The following PYROXD2 variants were observed in gnomAD, a reference collection of about 807,000 sequenced individuals.
PYROXD2 encodes pyridine nucleotide-disulfide oxidoreductase domain-containing protein 2.
A neutral mutation model predicts 71.1 loss-of-function variants in PYROXD2; 69 were observed. The ratio of observed to expected loss-of-function variants is 0.97; its 90% CI spans 0.80 to 1.19. The LOEUF is 1.19. Among genes scored for constraint, PYROXD2 ranks in the 50% most tolerant of loss-of-function variants. The pLI, the probability that PYROXD2 is intolerant of heterozygous loss-of-function variation, is 0.00. For synonymous variants in PYROXD2, 287 were observed against 302.7 expected, an observed-to-expected ratio of 0.95 and a Z score of 0.54; for missense variants, 745 against 748.9, an observed-to-expected ratio of 0.99 and a Z score of 0.06.
At chr10:98,401,331 C>T (rs1322632705) in intron 4 of PYROXD2, among the ~76,000 whole-genome samples, 2 of 149,536 alleles carry the variant, frequency 1.3e-5, no homozygotes, top group Non-Finnish European at 3.0e-5. Flanking sequence ...AAAAATGATA[C>T]TGTATAGAGC....
At position 98,401,273 on chromosome 10, in the gene PYROXD2, A is replaced by AAACAAAC. The variant is rs1554879098; in HGVS notation, c.316-1017_316-1016insGTTTGTT. Among the ~76,000 whole-genome samples, 241 of 121,650 alleles carry AAACAAAC rather than the reference A, an allele frequency of 2.0e-3. 2 individuals are homozygous for AAACAAAC. Among genetic ancestry groups the AAACAAAC allele is most frequent in the African/African-American group, 8.5e-3 (232 of 27,370 alleles). The allele number at this position is 121,650 out of a possible 152,430, so 79.8% of individuals were successfully genotyped here. The stretch of plus-strand genomic sequence containing the variant: ...TGTCTCAAAAAAAAAAAAACAAAAA[A>AAACAAAC]AAACAAACATAGAAAAGGTACATTA... On this transcript the variant is annotated intron_variant, in intron 4 of 15. Coordinates refer to ENST00000370575, the MANE Select transcript of PYROXD2 (RefSeq NM_032709.3).
chr10:98,400,400 T>C, intron 4 of PYROXD2, 143 bp from the exon 5 acceptor site: 1 of 767,970 alleles, frequency 1.3e-6, no homozygotes, highest in East Asian at 2.8e-5. Context: ...GTTTTTTAAA[T>C]ATAAGTTTAT....
intron 4 of PYROXD2, among the ~76,000 whole-genome samples, chr10:98,401,051 G>A (rs916148533): frequency 7.9e-5 from 12 of 152,098 alleles, no homozygotes; most frequent in Non-Finnish European, 1.6e-4. Context: ...TCAGGAGTTC[G>A]AGACCAGCCT....
chr10:98,400,123 C>G lies in PYROXD2; in HGVS notation c.450G>C (p.Gln150His), dbSNP rs751997425. ...CTACCTGGGCATCCTTCTGGGAGAA[C>G]TGGGCGATCTGCTTCTGGTTTTCTG... Reference protein sequence around the residue: ...DMAENQKQIAQFSQKDAQVFP... With the variant: ...DMAENQKQIAHFSQKDAQVFP... Residue 150 changes from glutamine to histidine, a missense_variant, in exon 5 of 16, where the codon CAG (glutamine) becomes CAC (histidine). Transcript: ENST00000370575. 5.0e-6 allele frequency: 8 copies of G among 1,613,656 alleles called. No individual in the cohort carries two copies. The Admixed American group carries it at 1.3e-4, about 27-fold the overall frequency.
intron 4 of PYROXD2, among the ~76,000 whole-genome samples, chr10:98,406,210 C>A (rs17109662): frequency 0.09 from 13,755 of 152,194 alleles, 740 homozygotes; most frequent in African/African-American, 0.14. Flanking sequence ...CACTTGGGAG[C>A]TTCTAGTTCA....
chr10:98,397,633 G>T, intron 5 of PYROXD2, 135 bp from the exon 6 acceptor site: 1 of 1,117,518 alleles, frequency 8.9e-7, no homozygotes, highest in Non-Finnish European at 1.2e-6. Context: ...GCTTGGCTCT[G>T]TTGAGCTCCC....
At chr10:98,388,896 T>C (rs7916469) in intron 12 of PYROXD2, among the ~76,000 whole-genome samples, 65,865 of 151,802 alleles carry the variant, frequency 0.43, 14,947 homozygotes, top group African/African-American at 0.55. Flanking sequence ...GGCCTGACTG[T>C]CTTTTCCAGA....
intron 2 of PYROXD2, among the ~76,000 whole-genome samples, chr10:98,408,941 G>A (rs1843698906): frequency 6.6e-6 from 1 of 152,190 alleles, no homozygotes; most frequent in South Asian, 2.1e-4. Flanking sequence ...TTAACAGCTT[G>A]CCTCAGGCTC....
chr10:98,390,029 C>T (rs146304278), intron 12 of PYROXD2, among the ~76,000 whole-genome samples: 212 of 152,198 alleles, frequency 1.4e-3, no homozygotes, highest in Non-Finnish European at 2.5e-3. Flanking sequence ...GCCCCTGCCC[C>T]GCTAATTCTC....
chr10:98,395,413 A>G lies in PYROXD2; in HGVS notation c.665T>C (p.Val222Ala). 6.2e-7 allele frequency: 1 copy of G among 1,614,176 alleles called. No homozygotes were observed. Among genetic ancestry groups the G allele is most frequent in the Non-Finnish European group, 8.5e-7 (1 of 1,180,018 alleles). Residue 222 changes from valine to alanine, a missense_variant, in exon 7 of 16, where the codon GTC becomes GCC. Coordinates refer to ENST00000370575, the MANE Select transcript of PYROXD2 (RefSeq NM_032709.3). ...LGAQLPRYYE[V>A]LTAPITKVLD... ...CACCTTGGTAATGGGAGCTGTGAGG[A>G]CCTCATAATATCGGGGAAGCTGGGC...
chr10:98,392,548 C>T lies in PYROXD2; in HGVS notation c.946G>A (p.Val316Met), dbSNP rs1842981522. The T allele has an allele frequency of 1.9e-6, 3 of 1,612,258 alleles. No individual in the cohort carries two copies. Among genetic ancestry groups the T allele is most frequent in the African/African-American group, 1.3e-5 (1 of 74,946 alleles). ...FTEKTVAKVQ[V>M]NSEGCVQGVV... ...CCTTGAACACAGCCTTCACTGTTCA[C>T]CTGCACCTTCGCCACTGTCTAGAGC... Residue 316 changes from valine (V) to methionine (M), a missense_variant, in exon 10 of 16, where the codon GTG (valine) becomes ATG (methionine). Physicochemically the swap from Val to Met is conservative, Grantham distance 21. Coordinates refer to ENST00000370575, the MANE Select transcript of PYROXD2 (RefSeq NM_032709.3).
intron 4 of PYROXD2, among the ~76,000 whole-genome samples, chr10:98,406,472 C>G (rs985698507): frequency 7.2e-5 from 11 of 152,146 alleles, no homozygotes; most frequent in Admixed American, 6.5e-4. Context: ...AGTCCTGGTA[C>G]CAGGATGCAC....
chr10:98,392,865 G>A (rs1842993064), intron 9 of PYROXD2, 77 bp downstream of exon 9: 2 of 1,503,634 alleles, frequency 1.3e-6, no homozygotes, highest in East Asian at 4.5e-5. Flanking sequence ...GTAAAACAAG[G>A]GACCTTCCAA....
intron 4 of PYROXD2, among the ~76,000 whole-genome samples, chr10:98,404,800 C>T (rs530967838): frequency 3.2e-4 from 48 of 152,260 alleles, no homozygotes; most frequent in African/African-American, 1.2e-3. Context: ...ATAAAAACGA[C>T]CGTTTCTGGG....
At chr10:98,408,972 T>G (rs1388875827) in intron 2 of PYROXD2, among the ~76,000 whole-genome samples, 1 of 152,022 alleles carries the variant, frequency 6.6e-6, no homozygotes, top group Non-Finnish European at 1.5e-5. Flanking sequence ...TGAGTAGAGG[T>G]GTTGGGAATT....
chr10:98,415,122 C>A lies in PYROXD2; in HGVS notation c.14G>T (p.Gly5Val). The stretch of plus-strand genomic sequence containing the variant: ...GGCCACAGCCTTGCAGAGACCTCGG[C>A]CACTTGCAGCCATTTCTGCCCCAGG... MAAS[G>V]RGLCKAVAAS... The change falls in exon 1 of 16, where the codon GGC (glycine) becomes GTC (valine). Residue 5 changes from glycine to valine, a missense_variant. Transcript: ENST00000370575. 1 of 1,613,102 alleles carries A rather than the reference C, an allele frequency of 6.2e-7. No homozygotes were observed. Among genetic ancestry groups the A allele is most frequent in the Non-Finnish European group, 8.5e-7 (1 of 1,179,630 alleles).
intron 13 of PYROXD2, 22 bp from the exon 14 acceptor site, chr10:98,387,329 A>C (rs1842787426): frequency 6.4e-7 from 1 of 1,568,824 alleles, no homozygotes; most frequent in African/African-American, 1.4e-5. Context: ...AAAACAGAGA[A>C]ATGAGATGGT....
At chr10:98,401,868 C>T (rs1408639607) in intron 4 of PYROXD2, among the ~76,000 whole-genome samples, 1 of 152,146 alleles carries the variant, frequency 6.6e-6, no homozygotes, top group African/African-American at 2.4e-5. Flanking sequence ...TACCTCCTGA[C>T]AGACCTGCCT....
In PYROXD2 at chr10:98,408,119, T is replaced by C. The variant is rs1006166539; in HGVS notation, c.148-122A>G. Reference sequence around the variant, plus strand: ...CCAGTATGGGCCACACCCCATGGCCTCCCTGCCCCGCTCATGCTGTTCCTG... The same window carrying C: ...CCAGTATGGGCCACACCCCATGGCCCCCCTGCCCCGCTCATGCTGTTCCTG... On this transcript the variant is annotated intron_variant, in intron 2 of 15. Transcript: ENST00000370575. 5 of 801,768 alleles carry C rather than the reference T, an allele frequency of 6.2e-6. No individual in the cohort carries two copies. In the Admixed American group the frequency reaches 1.3e-4, roughly 20 times the overall value. 49.7% of individuals were successfully genotyped at this position (801,768 alleles called of 1,614,324 possible). A position where few individuals can be genotyped will look rare whatever the true frequency, so the allele number is the denominator to read the frequency against.
Sources: gnomAD v4.1 joint callset for allele counts (sites outside exome capture counted in the v4.1 genomes callset) on GRCh38, gnomAD v4.1.1 for gene constraint, MANE v1.5 for transcripts, NCBI Gene and HGNC (gene_info 2026-07-23, HGNC 2026-07-21) for gene names.